Variants in CDH12 observed in about 807,000 individuals in gnomAD.
CDH12 encodes cadherin 12.
In CDH12, 41 loss-of-function variants were observed where a neutral mutation model predicts 74.1. The observed-to-expected ratio is 0.55, with a 90% confidence interval of 0.43 to 0.72. CDH12 has a LOEUF of 0.72. Among genes scored for constraint, CDH12 ranks in the 30% least tolerant of loss-of-function variants. CDH12 has a pLI of 0.00. For synonymous variants in CDH12, 399 were observed against 355.0 expected (o/e 1.12, Z -1.39); for missense variants, 945 against 977.2 (o/e 0.97, Z 0.44).
chr5:22,126,216 T>C (rs1745858563), intron 4 of CDH12, among the ~76,000 whole-genome samples: 1 of 152,268 alleles, frequency 6.6e-6, no homozygotes, highest in South Asian at 2.1e-4. Context: ...GGGTGCTAAG[T>C]GAAGCACTTA....
intron 5 of CDH12, among the ~76,000 whole-genome samples, chr5:22,015,960 C>T (rs1737577836): frequency 6.6e-6 from 1 of 151,654 alleles, no homozygotes; most frequent in Non-Finnish European, 1.5e-5. Context: ...TGCATAATAT[C>T]TCCCTACTTG....
intron 5 of CDH12, among the ~76,000 whole-genome samples, chr5:22,017,845 T>G (rs944106159): frequency 6.6e-6 from 1 of 151,612 alleles, no homozygotes; most frequent in African/African-American, 2.4e-5. Context: ...CCACAACACC[T>G]GCCTCCCGAG....
chr5:22,416,898 G>A (rs1743415553), intron 2 of CDH12, among the ~76,000 whole-genome samples: 1 of 152,094 alleles, frequency 6.6e-6, no homozygotes, highest in Non-Finnish European at 1.5e-5. Context: ...AAGCTCTTCA[G>A]CTACAAATTT....
Position 21,844,046 on chromosome 5 carries a change from T to C in CDH12, c.647-1718A>G, listed in dbSNP as rs906855064. ...CACTATCCAACAGTCTATTTCTATATCTATATATCTATCTGGACTGAGAGA... is the reference window on the plus strand; with the variant it reads ...CACTATCCAACAGTCTATTTCTATACCTATATATCTATCTGGACTGAGAGA... On this transcript the variant is annotated intron_variant, in intron 7 of 14. Transcript: ENST00000382254. 7.9e-5 allele frequency among the ~76,000 whole-genome samples: 12 copies of C among 152,264 alleles called. No individual in the cohort carries two copies. In the South Asian group the frequency reaches 1.7e-3, roughly 21 times the overall value.
At chr5:22,059,178 A>G (rs1740979527) in intron 5 of CDH12, among the ~76,000 whole-genome samples, 1 of 152,244 alleles carries the variant, frequency 6.6e-6, no homozygotes, top group Middle Eastern at 3.4e-3. Flanking sequence ...ATCAAAGGGA[A>G]AAATTACTGG....
At chr5:22,567,240 T>G (rs368320537) in intron 1 of CDH12, among the ~76,000 whole-genome samples, 4 of 152,052 alleles carry the variant, frequency 2.6e-5, no homozygotes, top group African/African-American at 9.7e-5. Flanking sequence ...TTGTATTAGA[T>G]CCACTTTCAA....
chr5:22,094,521 C>T (rs1313055732), intron 4 of CDH12, among the ~76,000 whole-genome samples: 3 of 151,934 alleles, frequency 2.0e-5, no homozygotes, highest in South Asian at 2.1e-4. Context: ...CAGAAACTAT[C>T]GTAACAGTAG....
intron 3 of CDH12, among the ~76,000 whole-genome samples, chr5:22,234,687 C>CAT (rs1287746154): frequency 6.6e-6 from 1 of 150,788 alleles, no homozygotes; most frequent in East Asian, 2.0e-4. Context: ...TGTGAATGTG[C>CAT]ATATATATAT....
chr5:22,373,771 TA>T (rs1477798850), intron 3 of CDH12, among the ~76,000 whole-genome samples: 2 of 152,138 alleles, frequency 1.3e-5, no homozygotes, highest in African/African-American at 4.8e-5. Context: ...ACAACATATA[TA>T]CATCTTTAGG....
intron 1 of CDH12, among the ~76,000 whole-genome samples, chr5:22,598,013 C>G (rs1736684407): frequency 6.6e-6 from 1 of 152,116 alleles, no homozygotes; most frequent in Non-Finnish European, 1.5e-5. Context: ...TCTCTACTCC[C>G]AATCAGTTGA....
chr5:22,035,263 T>G (rs911217866), intron 5 of CDH12, among the ~76,000 whole-genome samples: 3 of 152,100 alleles, frequency 2.0e-5, no homozygotes, highest in Non-Finnish European at 4.4e-5. Flanking sequence ...AAAGACCTAA[T>G]CAAGTAGCAG....
At position 21,975,081 on chromosome 5, in the gene CDH12, G is replaced by A. The variant is rs772801250; in HGVS notation, c.526+10C>T. 5 of 1,577,012 alleles carry A rather than the reference G, an allele frequency of 3.2e-6. No homozygotes were observed. In the Admixed American group the frequency reaches 8.7e-5, roughly 28 times the overall value. ...ATTGTATCTCACAGAATTTTGATTT[G>A]CCTACTCACCCACAGGAGACATTTC... On this transcript the variant is annotated intron_variant, in intron 6 of 14. Coordinates refer to ENST00000382254, the MANE Select transcript of CDH12 (RefSeq NM_004061.5).
chr5:22,206,179 A>G (rs1434495810), intron 4 of CDH12, among the ~76,000 whole-genome samples: 5 of 152,046 alleles, frequency 3.3e-5, no homozygotes, highest in African/African-American at 7.2e-5. Flanking sequence ...CATGGGGCAG[A>G]GTAGGGGGCA....
chr5:21,753,038 C>A lies in CDH12; in HGVS notation c.1886-802G>T, dbSNP rs115379763. ...TTCCCAGTTGATTTAAAGCTCTCCACTAAATCAATGGTGTTTATTTCTACT... is the reference window on the plus strand; with the variant it reads ...TTCCCAGTTGATTTAAAGCTCTCCAATAAATCAATGGTGTTTATTTCTACT... On this transcript the variant is annotated intron_variant, in intron 14 of 14. Transcript: ENST00000382254. Among the ~76,000 whole-genome samples, 1,276 of 152,258 alleles carry A rather than the reference C, an allele frequency of 8.4e-3. 13 individuals carry two copies. The highest frequency in any genetic ancestry group is 0.029 in the African/African-American group (1,217 of 41,558).
chr5:22,371,214 A>T (rs1341851330), intron 3 of CDH12, among the ~76,000 whole-genome samples: 1 of 152,154 alleles, frequency 6.6e-6, no homozygotes, highest in Non-Finnish European at 1.5e-5. Flanking sequence ...AACAGAATTC[A>T]AATATTTGAT....
chr5:22,481,115 G>A (rs1487155158), intron 2 of CDH12, among the ~76,000 whole-genome samples: 1 of 152,022 alleles, frequency 6.6e-6, no homozygotes, highest in East Asian at 1.9e-4. Context: ...TTCACTAATT[G>A]CCAAAATTGA....
rs546097107 is a variant in CDH12 at position 22,225,732 on chromosome 5, A to G, written c.-332-13089T>C. ...GGTCCATGTGAAAAACAACAGATTC[A>G]CCTTAAGAATCAGGCCAACCATAAA... On this transcript the variant is annotated intron_variant, in intron 3 of 14. Coordinates refer to ENST00000382254, the MANE Select transcript of CDH12 (RefSeq NM_004061.5). Among the ~76,000 whole-genome samples, 59 of 152,056 alleles carry G rather than the reference A, an allele frequency of 3.9e-4. 1 individual carries two copies. The highest frequency in any genetic ancestry group is 7.4e-5 in the Non-Finnish European group (5 of 68,008).
chr5:22,124,027 G>A (rs938189882), intron 4 of CDH12, among the ~76,000 whole-genome samples: 1 of 151,576 alleles, frequency 6.6e-6, no homozygotes, highest in Non-Finnish European at 1.5e-5. Flanking sequence ...GAGTGCAGCG[G>A]TGCGATCTCA....
At chr5:21,982,540 T>C (rs1757350647) in intron 5 of CDH12, among the ~76,000 whole-genome samples, 1 of 151,754 alleles carries the variant, frequency 6.6e-6, no homozygotes, top group Admixed American at 6.6e-5. Context: ...TATCCATATA[T>C]AGAGATCCAT....
Sources: allele counts gnomAD v4.1 joint callset (sites outside exome capture counted in the v4.1 genomes callset), GRCh38; gene constraint gnomAD v4.1.1; transcripts MANE v1.5; gene names NCBI Gene and HGNC (gene_info 2026-07-23, HGNC 2026-07-21).